PCDH15: variants seen among roughly 807,000 people sequenced by gnomAD.
PCDH15 encodes protocadherin-15.
Under a neutral mutation model 178.5 loss-of-function variants are expected in PCDH15, and 129 were observed. The ratio of observed to expected loss-of-function variants is 0.72; its 90% CI spans 0.63 to 0.84. PCDH15 has a LOEUF of 0.84. Ranked by LOEUF, PCDH15 falls within the 40% of genes least tolerant of loss-of-function variation. The pLI, the probability that PCDH15 is intolerant of heterozygous loss-of-function variation, is 0.00. For synonymous variants in PCDH15, 800 were observed against 732.0 expected (o/e 1.09, Z -1.50); for missense variants, 2,230 against 2,099.9 (o/e 1.06, Z -1.21).
rs530893794 is a variant in PCDH15, at chr10:53,947,241, G to A, written c.3123-6266C>T. Among the ~76,000 whole-genome samples the A allele has an allele frequency of 5.3e-5, 8 of 152,150 alleles. No homozygotes were observed. In the East Asian group the frequency reaches 1.5e-3, roughly 29 times the overall value. Reference sequence around the variant, plus strand: ...CAGTTTTTACCGTATAAATATAGATGAAACAATTACAATTTAAAATCTACT... The same window carrying A: ...CAGTTTTTACCGTATAAATATAGATAAAACAATTACAATTTAAAATCTACT... On this transcript the variant is annotated intron_variant, in intron 23 of 37. Transcript: ENST00000644397.
chr10:54,326,818 T>C (rs1938228672), intron 7 of PCDH15, among the ~76,000 whole-genome samples: 1 of 152,208 alleles, frequency 6.6e-6, no homozygotes. Context: ...TCTTACATTA[T>C]GTAGCTATTA....
chr10:55,138,756 A>G (rs1024515803), intron 2 of PCDH15, among the ~76,000 whole-genome samples: 1 of 152,042 alleles, frequency 6.6e-6, no homozygotes, highest in Non-Finnish European at 1.5e-5. Flanking sequence ...CACCCCCAAA[A>G]TTGTACTGTG....
intron 25 of PCDH15, chr10:53,905,080 A>G: frequency 2.2e-6 from 1 of 460,672 alleles, no homozygotes; most frequent in Admixed American, 2.2e-5. Flanking sequence ...TGGTAACCAA[A>G]TCCTACATGT....
rs73263400 is a variant in PCDH15 at position 55,618,525 on chromosome 10, G to A, written c.-156+9100C>T. On this transcript the variant is annotated intron_variant, in intron 2 of 5. Coordinates refer to the PCDH15 transcript ENST00000613346. The stretch of plus-strand genomic sequence containing the variant: ...ATACACATCAAACTACCAAGAAGTC[G>A]TATCTGATTTTGTGCTTTTCTACTA... Among the ~76,000 whole-genome samples the A allele has an allele frequency of 6.5e-3, 993 of 152,052 alleles. 15 individuals carry two copies. Among genetic ancestry groups the A allele is most frequent in the African/African-American group, 0.023 (942 of 41,524 alleles).
At chr10:54,163,595 C>T (rs1039482828) in intron 13 of PCDH15, among the ~76,000 whole-genome samples, 8 of 152,020 alleles carry the variant, frequency 5.3e-5, no homozygotes, top group African/African-American at 1.9e-4. Flanking sequence ...GGACACAGAG[C>T]CAAACCAAAC....
chr10:54,333,130 T>C (rs779165708), intron 6 of PCDH15, among the ~76,000 whole-genome samples: 1 of 151,980 alleles, frequency 6.6e-6, no homozygotes, highest in Non-Finnish European at 1.5e-5. Context: ...TTACTTTTAG[T>C]AGAGATGGGG....
intron 3 of PCDH15, among the ~76,000 whole-genome samples, chr10:54,507,739 A>G (rs997988806): frequency 2.6e-5 from 4 of 152,042 alleles, no homozygotes; most frequent in Admixed American, 6.6e-5. Context: ...GATCTGAAAC[A>G]TAACAATGTG....
At chr10:54,341,762 G>A (rs575370252) in intron 6 of PCDH15, among the ~76,000 whole-genome samples, 2 of 152,306 alleles carry the variant, frequency 1.3e-5, no homozygotes, top group East Asian at 3.9e-4. Flanking sequence ...AGTCCAGGCT[G>A]AGGTGGTCTC....
chr10:55,341,612 C>T (rs1443084128), intron 2 of PCDH15, among the ~76,000 whole-genome samples: 1 of 147,740 alleles, frequency 6.8e-6, no homozygotes, highest in Non-Finnish European at 1.5e-5. Flanking sequence ...TCCCTGTCGC[C>T]TGACTGGAGT....
chr10:54,444,182 A>T (rs1301754210), intron 3 of PCDH15, among the ~76,000 whole-genome samples: 2 of 151,754 alleles, frequency 1.3e-5, no homozygotes, highest in African/African-American at 4.8e-5. Context: ...TCTGAAAAAA[A>T]TCTTGCTGTA....
chr10:55,441,593 T>A (rs534480003), intron 2 of PCDH15, among the ~76,000 whole-genome samples: 118 of 152,230 alleles, frequency 7.8e-4, no homozygotes, highest in African/African-American at 2.5e-3. Context: ...CTACCCACAC[T>A]AAGACACAGT....
At chr10:54,957,722 A>G (rs557118723) in intron 2 of PCDH15, among the ~76,000 whole-genome samples, 5 of 151,794 alleles carry the variant, frequency 3.3e-5, no homozygotes, top group Middle Eastern at 3.4e-3. Flanking sequence ...TACATCTCCA[A>G]CGTATCCAAT....
At chr10:53,912,396 C>CCCTCT (rs1191292910) in intron 25 of PCDH15, among the ~76,000 whole-genome samples, 1 of 152,114 alleles carries the variant, frequency 6.6e-6, no homozygotes, top group African/African-American at 2.4e-5. Flanking sequence ...GATAGGGATG[C>CCCTCT]CCTCTCTTAA....
rs569556067 is a variant in PCDH15 at position 54,488,458 on chromosome 10, A to T, written c.157+39354T>A. ...TGCCTTTTTAAGGTATGGTAAAAAA[A>T]AAAATGTGTATGGCCGTCAGATATC... On this transcript the variant is annotated intron_variant, in intron 3 of 37. Transcript: ENST00000644397. 6.8e-4 allele frequency among the ~76,000 whole-genome samples: 104 copies of T among 152,012 alleles called. 1 individual carries two copies. The highest frequency in any genetic ancestry group is 6.8e-3 in the Admixed American group (104 of 15,254).
intron 2 of PCDH15, among the ~76,000 whole-genome samples, chr10:55,133,815 A>T (rs1838118903): frequency 6.6e-6 from 1 of 152,090 alleles, no homozygotes. Context: ...ACACATAAAG[A>T]AATCCTGTTA....
At chr10:55,421,018 T>C (rs528337462) in intron 2 of PCDH15, among the ~76,000 whole-genome samples, 1 of 151,768 alleles carries the variant, frequency 6.6e-6, no homozygotes, top group African/African-American at 2.4e-5. Flanking sequence ...TAGACAAAGT[T>C]TTTGAGCTAA....
chr10:54,483,822 A>G (rs1243776350), intron 3 of PCDH15, among the ~76,000 whole-genome samples: 1 of 151,608 alleles, frequency 6.6e-6, no homozygotes, highest in Non-Finnish European at 1.5e-5. Flanking sequence ...ATATTTTTCT[A>G]TTTGATCCTA....
intron 2 of PCDH15, among the ~76,000 whole-genome samples, chr10:55,506,517 G>C (rs1412843165): frequency 6.6e-6 from 1 of 151,418 alleles, no homozygotes; most frequent in Non-Finnish European, 1.5e-5. Flanking sequence ...TATTTGATTG[G>C]AATACCAAAG....
intron 2 of PCDH15, among the ~76,000 whole-genome samples, chr10:54,986,585 A>G (rs769545704): frequency 8.5e-5 from 13 of 152,176 alleles, no homozygotes; most frequent in Non-Finnish European, 1.5e-4. Context: ...AATCAGTGCT[A>G]TGATTATCTC....
Sources: gnomAD v4.1 joint callset for allele counts (sites outside exome capture counted in the v4.1 genomes callset) on GRCh38, gnomAD v4.1.1 for gene constraint, MANE v1.5 for transcripts, NCBI Gene and HGNC (gene_info 2026-07-23, HGNC 2026-07-21) for gene names.